Variants in GRIN2B observed in about 807,000 individuals in gnomAD.
GRIN2B encodes glutamate receptor ionotropic, NMDA 2B.
GRIN2B carries 5 observed loss-of-function variants against 114.5 expected under a neutral mutation model. The ratio of observed to expected loss-of-function variants is 0.04; its 90% CI spans 0.02 to 0.09. GRIN2B has a LOEUF of 0.09. Ranked by LOEUF, GRIN2B falls within the 10% of genes least tolerant of loss-of-function variation. The pLI, the probability that GRIN2B is intolerant of heterozygous loss-of-function variation, is 1.00. For synonymous variants in GRIN2B, 787 were observed against 745.1 expected, an observed-to-expected ratio of 1.06 and a Z score of -0.92; for missense variants, 1,108 against 1,943.5, an observed-to-expected ratio of 0.57 and a Z score of 8.08.
intron 10 of GRIN2B, among the ~76,000 whole-genome samples, chr12:13,582,922 A>G (rs1948872078): frequency 6.6e-6 from 1 of 152,190 alleles, no homozygotes; most frequent in South Asian, 2.1e-4. Context: ...GTATTTTATA[A>G]AATTTGGATA....
At chr12:13,879,829 G>A (rs2136763389) in intron 2 of GRIN2B, among the ~76,000 whole-genome samples, 1 of 152,320 alleles carries the variant, frequency 6.6e-6, no homozygotes, top group Non-Finnish European at 1.5e-5. Context: ...CAGAATCCAT[G>A]GGCAGAATTC....
intron 5 of GRIN2B, among the ~76,000 whole-genome samples, chr12:13,647,894 T>C (rs894354034): frequency 1.3e-5 from 2 of 152,166 alleles, no homozygotes; most frequent in Admixed American, 1.3e-4. Flanking sequence ...TCCTCAATAC[T>C]ATTGGTTTCA....
At chr12:13,845,762 G>T (rs1241923406) in intron 3 of GRIN2B, among the ~76,000 whole-genome samples, 2 of 152,178 alleles carry the variant, frequency 1.3e-5, no homozygotes, top group Non-Finnish European at 2.9e-5. Context: ...GAGTGGGGAT[G>T]AAAATAGAGT....
intron 3 of GRIN2B, among the ~76,000 whole-genome samples, chr12:13,764,542 A>G (rs1185216004): frequency 6.6e-6 from 1 of 152,178 alleles, no homozygotes. Flanking sequence ...ACTCTGGGAG[A>G]TGGACCAAGC....
rs752524243 is a variant in GRIN2B, at chr12:13,616,677, A to G, written c.1126-20T>C. 1 of 1,586,484 alleles carries G rather than the reference A, an allele frequency of 6.3e-7. No individual in the cohort carries two copies. The highest frequency in any genetic ancestry group is 8.7e-7 in the Non-Finnish European group (1 of 1,154,914). The stretch of plus-strand genomic sequence containing the variant: ...CCCCACCTGCACAAGGATGAACACA[A>G]GAATCAGAAACCACTGGCCACAACA... On this transcript the variant is annotated intron_variant, in intron 5 of 13. Transcript: ENST00000609686.
At chr12:13,794,496 C>T (rs1326789302) in intron 3 of GRIN2B, among the ~76,000 whole-genome samples, 1 of 152,170 alleles carries the variant, frequency 6.6e-6, no homozygotes, top group Non-Finnish European at 1.5e-5. Context: ...GTGAACCACT[C>T]CCCACTAACC....
At chr12:13,849,803 T>G (rs1202660544) in intron 3 of GRIN2B, among the ~76,000 whole-genome samples, 2 of 152,198 alleles carry the variant, frequency 1.3e-5, no homozygotes, top group African/African-American at 4.8e-5. Flanking sequence ...TCGTGTGCTC[T>G]GTGTTGTCCC....
intron 10 of GRIN2B, among the ~76,000 whole-genome samples, chr12:13,605,520 GTCTCTCTCTC>G (rs3081918): frequency 8.7e-6 from 1 of 114,952 alleles, no homozygotes; most frequent in African/African-American, 3.4e-5. Flanking sequence ...GGTCTTGAAA[GTCTCTCTCTC>G]TCTCTCTCTC....
intron 3 of GRIN2B, among the ~76,000 whole-genome samples, chr12:13,770,333 G>A (rs980269905): frequency 6.6e-6 from 1 of 152,132 alleles, no homozygotes; most frequent in Admixed American, 6.5e-5. Context: ...AGAATTTAAT[G>A]TTCATTGACA....
intron 2 of GRIN2B, among the ~76,000 whole-genome samples, chr12:13,934,944 C>G (rs189340273): frequency 6.6e-6 from 1 of 152,270 alleles, no homozygotes. Context: ...AAAATCCGAT[C>G]ACAATCAGCA....
intron 4 of GRIN2B, among the ~76,000 whole-genome samples, chr12:13,686,476 T>C (rs532181163): frequency 6.6e-6 from 1 of 152,214 alleles, no homozygotes; most frequent in South Asian, 2.1e-4. Flanking sequence ...ATCCTAGCTC[T>C]TTCTCTCCCT....
At chr12:13,822,335 A>C (rs1036429918) in intron 3 of GRIN2B, among the ~76,000 whole-genome samples, 1 of 152,184 alleles carries the variant, frequency 6.6e-6, no homozygotes, top group Admixed American at 6.5e-5. Context: ...TCAGTTAGGC[A>C]GTAGTAAAAG....
At chr12:13,961,598 T>C (rs988596323) in intron 2 of GRIN2B, among the ~76,000 whole-genome samples, 2 of 152,198 alleles carry the variant, frequency 1.3e-5, no homozygotes, top group Admixed American at 6.5e-5. Context: ...AAATAAACAC[T>C]TGTTTTATTA....
chr12:13,854,739 G>C (rs1865630256), intron 3 of GRIN2B, among the ~76,000 whole-genome samples: 1 of 152,102 alleles, frequency 6.6e-6, no homozygotes, highest in African/African-American at 2.4e-5. Context: ...CATGTCCAAT[G>C]ACCACAGAGC....
chr12:13,904,687 C>T (rs73057679), intron 2 of GRIN2B, among the ~76,000 whole-genome samples: 15,750 of 152,038 alleles, frequency 0.1, 1,076 homozygotes, highest in Middle Eastern at 0.21. Context: ...ATCTTTAAAA[C>T]TTTTATTTCA....
intron 4 of GRIN2B, among the ~76,000 whole-genome samples, chr12:13,708,604 T>G (rs975743142): frequency 6.6e-6 from 1 of 152,098 alleles, no homozygotes; most frequent in Non-Finnish European, 1.5e-5. Context: ...AGACATTGAA[T>G]TTGTGGGGTT....
chr12:13,784,223 CAAAAAAAAAAAAAA>C (rs56197649), intron 3 of GRIN2B, among the ~76,000 whole-genome samples: 10 of 71,906 alleles, frequency 1.4e-4, no homozygotes, highest in Non-Finnish European at 1.9e-4. Context: ...GACTTCGCCT[CAAAAAAAAAAAAAA>C]AAAAAAAAAA....
Position 13,563,794 on chromosome 12 carries a change from G to C in GRIN2B, c.3444C>G (p.His1148Gln). 6.2e-7 allele frequency: 1 copy of C among 1,613,572 alleles called. No homozygotes were observed. Among genetic ancestry groups the C allele is most frequent in the Non-Finnish European group, 8.5e-7 (1 of 1,179,858 alleles). ...CCTTGTAGATGTCGGTCAGGTCTAC[G>C]TGCTCCCAGTGGGGTGAGTTCTCCT... The part of the protein sequence containing the change: ...RTKENSPHWE[H>Q]VDLTDIYKER... Residue 1148 changes from histidine to glutamine, a missense_variant, in exon 14 of 14, where the codon CAC becomes CAG. Physicochemically the swap from His to Gln is conservative, Grantham distance 24. This residue lies in a region of GRIN2B where 478 missense variants were observed against 506.0 expected (regional missense o/e 0.94). Transcript: ENST00000609686.
intron 10 of GRIN2B, among the ~76,000 whole-genome samples, chr12:13,581,865 G>A (rs1195351096): frequency 6.7e-6 from 1 of 148,874 alleles, no homozygotes; most frequent in Non-Finnish European, 1.5e-5. Context: ...AGCCAAAATC[G>A]TGTCACTGCA....
Sources: gnomAD v4.1 joint callset for allele counts (sites outside exome capture counted in the v4.1 genomes callset) on GRCh38, gnomAD v4.1.1 for gene constraint, gnomAD v4.1.1 regional missense constraint, MANE v1.5 for transcripts, NCBI Gene and HGNC (gene_info 2026-07-23, HGNC 2026-07-21) for gene names.